RGPD2: variants seen among roughly 807,000 people sequenced by gnomAD.
RGPD2 encodes the protein RANBP2-like and GRIP domain-containing protein 2.
A neutral mutation model predicts 36.0 loss-of-function variants in RGPD2; 2 were observed. The ratio of observed to expected loss-of-function variants is 0.06; its 90% CI spans 0.02 to 0.17. The LOEUF (loss-of-function observed/expected upper bound fraction) is 0.17, where lower values mean the gene tolerates loss of function less well. Among genes scored for constraint, RGPD2 ranks in the 10% least tolerant of loss-of-function variants. RGPD2 has a pLI of 1.00. For missense variants in RGPD2, 40 were observed against 464.3 expected, an observed-to-expected ratio of 0.09 and a Z score of 8.40; for synonymous variants, 19 against 163.8, an observed-to-expected ratio of 0.12 and a Z score of 6.75.
At chr2:87,837,063 C>T in the RGPD2 span, among the ~76,000 whole-genome samples, 1 of 151,910 alleles carries the variant, frequency 6.6e-6, no homozygotes, top group Admixed American at 6.6e-5. Context: ...AATACAGGAG[C>T]CCCCAGATTC....
the RGPD2 span, among the ~76,000 whole-genome samples, chr2:87,844,640 A>G: frequency 2.6e-5 from 4 of 151,908 alleles, no homozygotes; most frequent in Non-Finnish European, 2.9e-5. Flanking sequence ...ATATATATAT[A>G]TTCAAGTGAA....
intron 22 of RGPD2, among the ~76,000 whole-genome samples, chr2:87,761,013 T>G (rs1684874829): frequency 8.1e-6 from 1 of 123,934 alleles, no homozygotes; most frequent in African/African-American, 3.0e-5. Flanking sequence ...TGTTTTTTCT[T>G]TTTCATTCTT....
the RGPD2 span, among the ~76,000 whole-genome samples, chr2:87,985,244 G>C: frequency 6.6e-6 from 1 of 150,986 alleles, no homozygotes; most frequent in Admixed American, 6.6e-5. Context: ...ATAGTACTCG[G>C]CTAAAGTACT....
chr2:87,915,188 A>C, the RGPD2 span, among the ~76,000 whole-genome samples: 1 of 151,196 alleles, frequency 6.6e-6, no homozygotes, highest in Admixed American at 6.6e-5. Context: ...AAACTTGTTT[A>C]TATAATGAAG....
At chr2:87,932,830 G>T in the RGPD2 span, among the ~76,000 whole-genome samples, 5 of 151,342 alleles carry the variant, frequency 3.3e-5, no homozygotes, top group Admixed American at 6.6e-5. Context: ...CTGTTAGTCT[G>T]ATGTACTTCC....
chr2:87,807,593 G>A (rs1350665921), intron 6 of RGPD2, among the ~76,000 whole-genome samples: 1 of 108,350 alleles, frequency 9.2e-6, no homozygotes, highest in Admixed American at 9.6e-5. Flanking sequence ...GTTTTACTAT[G>A]TTGGCCAGGC....
chr2:87,763,571 AACT>A (rs1243576864), intron 22 of RGPD2, among the ~76,000 whole-genome samples: 1 of 35,792 alleles, frequency 2.8e-5, no homozygotes, highest in Non-Finnish European at 5.5e-5. Context: ...TCACTATAAA[AACT>A]ACTAGTGAGA....
intron 22 of RGPD2, among the ~76,000 whole-genome samples, chr2:87,758,236 CCACT>C (rs1229230562): frequency 6.7e-6 from 1 of 148,780 alleles, no homozygotes; most frequent in Non-Finnish European, 1.5e-5. Context: ...TTTTACGTTG[CCACT>C]CAGTCTTCTC....
At chr2:87,929,167 GT>G in the RGPD2 span, among the ~76,000 whole-genome samples, 6 of 151,408 alleles carry the variant, frequency 4.0e-5, no homozygotes, top group South Asian at 2.1e-4. Flanking sequence ...GTCTTCCAGG[GT>G]TTTTTTTATA....
At chr2:87,769,057 T>C (rs1344420254) in intron 22 of RGPD2, among the ~76,000 whole-genome samples, 1 of 56,084 alleles carries the variant, frequency 1.8e-5, no homozygotes, top group Non-Finnish European at 3.6e-5. Flanking sequence ...AACCTCTGCC[T>C]CCTGGGTTCA....
At chr2:87,927,640 C>G in the RGPD2 span, among the ~76,000 whole-genome samples, 1 of 150,630 alleles carries the variant, frequency 6.6e-6, no homozygotes, top group Admixed American at 6.6e-5. Flanking sequence ...TTTGTTATTA[C>G]TTAGGGTGTT....
the RGPD2 span, among the ~76,000 whole-genome samples, chr2:87,840,713 G>T: frequency 6.8e-6 from 1 of 147,070 alleles, no homozygotes; most frequent in Non-Finnish European, 1.5e-5. Context: ...GAGAAAAAAA[G>T]AAATACTCAA....
At chr2:87,864,191 C>A in the RGPD2 span, among the ~76,000 whole-genome samples, 1 of 146,998 alleles carries the variant, frequency 6.8e-6, no homozygotes, top group East Asian at 2.0e-4. Context: ...ATGTAAATGC[C>A]CCTGCTCAAT....
the RGPD2 span, among the ~76,000 whole-genome samples, chr2:87,874,671 CTTTG>C: frequency 6.6e-6 from 1 of 151,862 alleles, no homozygotes; most frequent in Non-Finnish European, 1.5e-5. Flanking sequence ...ATGCCTCCAG[CTTTG>C]TTTGTTTTTC....
chr2:87,826,254 T>A (rs1330772672), upstream of RGPD2, among the ~76,000 whole-genome samples: 1 of 151,298 alleles, frequency 6.6e-6, no homozygotes, highest in East Asian at 1.9e-4. Flanking sequence ...TAAAATATAC[T>A]TGTAGCAACA....
chr2:87,913,108 T>G, the RGPD2 span, among the ~76,000 whole-genome samples: 4 of 152,190 alleles, frequency 2.6e-5, no homozygotes, highest in African/African-American at 9.7e-5. Context: ...ATATGGCTTT[T>G]TAGGAAATGT....
chr2:87,974,071 C>A, the RGPD2 span, among the ~76,000 whole-genome samples: 1 of 151,364 alleles, frequency 6.6e-6, no homozygotes, highest in Non-Finnish European at 1.5e-5. Flanking sequence ...GTTCTCCGGC[C>A]GCTCTGAACT....
the RGPD2 span, among the ~76,000 whole-genome samples, chr2:87,929,580 T>G: frequency 6.6e-6 from 1 of 151,618 alleles, no homozygotes; most frequent in Admixed American, 6.6e-5. Context: ...AAATTTAAAA[T>G]AGTTTTCTCC....
chr2:87,881,254 G>C, the RGPD2 span, among the ~76,000 whole-genome samples: 1 of 151,710 alleles, frequency 6.6e-6, no homozygotes, highest in Non-Finnish European at 1.5e-5. Context: ...GCTGCAGGTG[G>C]ATCTACCACT....
Sources: allele counts gnomAD v4.1 joint callset (sites outside exome capture counted in the v4.1 genomes callset), GRCh38; gene constraint gnomAD v4.1.1; transcripts MANE v1.5; gene names NCBI Gene and HGNC (gene_info 2026-07-23, HGNC 2026-07-21).